The following UNC5C variants were observed in gnomAD, a reference collection of about 807,000 sequenced individuals.
UNC5C encodes unc-5 netrin receptor C, also known as netrin receptor UNC5C.
Under a neutral mutation model 99.8 loss-of-function variants are expected in UNC5C, and 47 were observed. The observed-to-expected ratio is 0.47, with a 90% CI of 0.37 to 0.60. The LOEUF is 0.60. Among genes scored for constraint, UNC5C ranks in the 20% least tolerant of loss-of-function variants. The pLI, the probability that UNC5C is intolerant of heterozygous loss-of-function variation, is 0.00. For synonymous variants in UNC5C, 487 were observed against 452.2 expected, an observed-to-expected ratio of 1.08 and a Z score of -0.98; for missense variants, 1,062 against 1,165.9, an observed-to-expected ratio of 0.91 and a Z score of 1.30.
chr4:95,217,022 G>A (rs1393817513), intron 9 of UNC5C, among the ~76,000 whole-genome samples: 2 of 152,166 alleles, frequency 1.3e-5, no homozygotes, highest in Non-Finnish European at 2.9e-5. Context: ...CACAAAGAGT[G>A]ATTCAGTGTG....
At chr4:95,306,688 T>A (rs1742074314) in intron 2 of UNC5C, among the ~76,000 whole-genome samples, 1 of 152,198 alleles carries the variant, frequency 6.6e-6, no homozygotes. Context: ...TTCCTCTCCA[T>A]GGCTTTATCT....
intron 1 of UNC5C, among the ~76,000 whole-genome samples, chr4:95,414,838 A>G (rs945780778): frequency 1.3e-5 from 2 of 152,194 alleles, no homozygotes; most frequent in African/African-American, 4.8e-5. Flanking sequence ...TTCTTCAAGG[A>G]GGTTATACAG....
chr4:95,359,992 T>C (rs1010541810), intron 1 of UNC5C, among the ~76,000 whole-genome samples: 2 of 152,100 alleles, frequency 1.3e-5, no homozygotes, highest in Non-Finnish European at 2.9e-5. Flanking sequence ...GCCCAATGTT[T>C]ATAAAGCTAG....
At chr4:95,449,273 A>G (rs1415953066) in intron 1 of UNC5C, among the ~76,000 whole-genome samples, 1 of 152,222 alleles carries the variant, frequency 6.6e-6, no homozygotes, top group Non-Finnish European at 1.5e-5. Context: ...CATGCTTGGT[A>G]CGCAAAAGCA....
intron 1 of UNC5C, among the ~76,000 whole-genome samples, chr4:95,391,371 G>A (rs1745354528): frequency 1.3e-5 from 2 of 152,100 alleles, no homozygotes; most frequent in Non-Finnish European, 2.9e-5. Context: ...AATGTGCTGG[G>A]ATAAACTGAC....
chr4:95,289,692 A>G (rs1051237005), intron 3 of UNC5C, among the ~76,000 whole-genome samples: 10 of 152,308 alleles, frequency 6.6e-5, no homozygotes, highest in Middle Eastern at 3.4e-3. Flanking sequence ...ATAATGATGG[A>G]AAGTGCTAAT....
chr4:95,203,010 A>T, intron 11 of UNC5C, 46 bp from the exon 12 acceptor site: 2 of 1,592,218 alleles, frequency 1.3e-6, no homozygotes, highest in Non-Finnish European at 1.7e-6. Context: ...CCCAGGACGC[A>T]TGCCGGCCAC....
chr4:95,327,524 T>A (rs1313211634), intron 2 of UNC5C, among the ~76,000 whole-genome samples: 1 of 152,072 alleles, frequency 6.6e-6, no homozygotes, highest in African/African-American at 2.4e-5. Flanking sequence ...TATACATGCA[T>A]CCTCTTTCTT....
chr4:95,366,562 A>G (rs1053068782), intron 1 of UNC5C, among the ~76,000 whole-genome samples: 1 of 152,170 alleles, frequency 6.6e-6, no homozygotes, highest in Non-Finnish European at 1.5e-5. Flanking sequence ...AAAACAATCA[A>G]ATACTAACCT....
chr4:95,543,862 A>C (rs1722988713), intron 1 of UNC5C, among the ~76,000 whole-genome samples: 1 of 152,188 alleles, frequency 6.6e-6, no homozygotes, highest in Non-Finnish European at 1.5e-5. Context: ...GAGACTGTGG[A>C]AGGGAATGAG....
At chr4:95,332,251 C>G (rs1170382688) in intron 2 of UNC5C, among the ~76,000 whole-genome samples, 1 of 151,644 alleles carries the variant, frequency 6.6e-6, no homozygotes, top group African/African-American at 2.4e-5. Flanking sequence ...AAAAAAGAGC[C>G]CGCATCGCCA....
At chr4:95,245,784 G>A (rs1739482638) in intron 5 of UNC5C, among the ~76,000 whole-genome samples, 1 of 152,180 alleles carries the variant, frequency 6.6e-6, no homozygotes, top group Admixed American at 6.5e-5. Context: ...GGAGCTGTCA[G>A]CATATGTGAT....
chr4:95,373,311 A>G (rs1432957103), intron 1 of UNC5C, among the ~76,000 whole-genome samples: 2 of 151,770 alleles, frequency 1.3e-5, no homozygotes, highest in Admixed American at 1.3e-4. Flanking sequence ...TTCTTATTCT[A>G]TTTCCTAACA....
At chr4:95,407,004 A>C (rs1003626679) in intron 1 of UNC5C, among the ~76,000 whole-genome samples, 1 of 152,184 alleles carries the variant, frequency 6.6e-6, no homozygotes, top group Admixed American at 6.5e-5. Flanking sequence ...AGGAGGTATA[A>C]GTTATTGATT....
chr4:95,265,157 C>T (rs763699175), intron 4 of UNC5C, among the ~76,000 whole-genome samples: 2 of 152,172 alleles, frequency 1.3e-5, no homozygotes, highest in Admixed American at 6.6e-5. Context: ...GAGATATGCA[C>T]TGGTTGAGTG....
At chr4:95,179,746 CAAAAAA>C (rs33974336) in intron 14 of UNC5C, among the ~76,000 whole-genome samples, 35 of 98,498 alleles carry the variant, frequency 3.6e-4, no homozygotes, top group East Asian at 1.2e-3. Context: ...GACTCCTTCT[CAAAAAA>C]AAAAAAAAAA....
At chr4:95,205,444 A>C (rs1020807049) in intron 11 of UNC5C, among the ~76,000 whole-genome samples, 8 of 152,132 alleles carry the variant, frequency 5.3e-5, no homozygotes, top group South Asian at 2.1e-4. Context: ...TATGGTCAAG[A>C]GTAGAACATG....
At chr4:95,268,129 T>G (rs566047978) in intron 4 of UNC5C, among the ~76,000 whole-genome samples, 46 of 151,414 alleles carry the variant, frequency 3.0e-4, no homozygotes, top group Non-Finnish European at 5.5e-4. Flanking sequence ...TTTTGCATTT[T>G]TTTTAGTAGA....
chr4:95,498,115 T>G (rs1355568439), intron 1 of UNC5C, among the ~76,000 whole-genome samples: 1 of 152,022 alleles, frequency 6.6e-6, no homozygotes, highest in Non-Finnish European at 1.5e-5. Flanking sequence ...CATCAGAGAC[T>G]ATTATTTACC....
Sources: allele counts gnomAD v4.1 joint callset (sites outside exome capture counted in the v4.1 genomes callset), GRCh38; gene constraint gnomAD v4.1.1; transcripts MANE v1.5; gene names NCBI Gene and HGNC (gene_info 2026-07-23, HGNC 2026-07-21).